The following EXOC6B variants were observed in gnomAD, a reference collection of about 807,000 sequenced individuals.
The protein encoded by EXOC6B is exocyst complex component 6B.
In EXOC6B, 54 loss-of-function variants were observed where a neutral mutation model predicts 113.5. That is an observed-to-expected ratio of 0.48 (90% CI 0.38 to 0.60). The LOEUF (loss-of-function observed/expected upper bound fraction) is 0.60, where lower values mean the gene tolerates loss of function less well. Among genes scored for constraint, EXOC6B ranks in the 20% least tolerant of loss-of-function variants. The pLI is 0.00. For missense variants in EXOC6B, 797 were observed against 977.5 expected (o/e 0.82, Z 2.46); for synonymous variants, 357 against 339.0 (o/e 1.05, Z -0.58).
chr2:72,466,054 G>C (rs1467942363), intron 17 of EXOC6B, among the ~76,000 whole-genome samples: 1 of 152,048 alleles, frequency 6.6e-6, no homozygotes, highest in African/African-American at 2.4e-5. Context: ...GACAAACTTT[G>C]AAATAAGTGC....
At chr2:72,794,105 T>A (rs1404419165) in intron 1 of EXOC6B, among the ~76,000 whole-genome samples, 6 of 152,232 alleles carry the variant, frequency 3.9e-5, no homozygotes, top group Non-Finnish European at 8.8e-5. Context: ...ACACTCACAT[T>A]AATCGTCATA....
At chr2:72,237,614 G>A (rs1682046365) in intron 20 of EXOC6B, among the ~76,000 whole-genome samples, 1 of 152,162 alleles carries the variant, frequency 6.6e-6, no homozygotes. Context: ...GTGTTACAGA[G>A]TCAACCCTAT....
At chr2:72,231,268 G>A (rs1681604466) in intron 20 of EXOC6B, among the ~76,000 whole-genome samples, 2 of 152,144 alleles carry the variant, frequency 1.3e-5, no homozygotes, top group Admixed American at 6.5e-5. Flanking sequence ...CAACAAGAGT[G>A]CTGGGAAAAC....
At chr2:72,692,447 G>A (rs1292089565) in intron 6 of EXOC6B, among the ~76,000 whole-genome samples, 1 of 151,500 alleles carries the variant, frequency 6.6e-6, no homozygotes, top group African/African-American at 2.4e-5. Flanking sequence ...TGCCTCCCGG[G>A]TTCATGCCAT....
chr2:72,262,669 A>G (rs2104588588), intron 20 of EXOC6B, among the ~76,000 whole-genome samples: 1 of 152,340 alleles, frequency 6.6e-6, no homozygotes, highest in Middle Eastern at 3.4e-3. Context: ...GGGCAATAGA[A>G]GTTCAAGAGC....
At chr2:72,739,091 A>G (rs1014545283) in intron 2 of EXOC6B, among the ~76,000 whole-genome samples, 45 of 152,352 alleles carry the variant, frequency 3.0e-4, no homozygotes, top group African/African-American at 1.0e-3. Context: ...CATGTCAAAT[A>G]TCCTCTGTAC....
At chr2:72,705,903 T>C (rs1014099738) in intron 6 of EXOC6B, among the ~76,000 whole-genome samples, 1 of 152,198 alleles carries the variant, frequency 6.6e-6, no homozygotes. Flanking sequence ...AGCCTAACAA[T>C]AATTAATTAA....
intron 5 of EXOC6B, among the ~76,000 whole-genome samples, chr2:72,722,327 A>T (rs1452838023): frequency 6.6e-6 from 1 of 152,134 alleles, no homozygotes; most frequent in African/African-American, 2.4e-5. Context: ...TCCATCCTTA[A>T]AAAGAAAAAA....
chr2:72,537,989 T>C (rs1470486067), intron 8 of EXOC6B, among the ~76,000 whole-genome samples: 3 of 146,188 alleles, frequency 2.1e-5, no homozygotes, highest in African/African-American at 8.0e-5. Context: ...TTTTTTTTTT[T>C]GAGACAGGAG....
intron 20 of EXOC6B, among the ~76,000 whole-genome samples, chr2:72,274,180 A>T (rs972817868): frequency 1.3e-5 from 2 of 152,194 alleles, no homozygotes; most frequent in African/African-American, 2.4e-5. Context: ...CATTGAAATC[A>T]GAGAAATAAA....
intron 1 of EXOC6B, among the ~76,000 whole-genome samples, chr2:72,761,394 A>C (rs531699617): frequency 8.5e-5 from 13 of 152,292 alleles, no homozygotes; most frequent in African/African-American, 3.1e-4. Flanking sequence ...CTTGCCAATA[A>C]ATTACTTCTC....
intron 6 of EXOC6B, among the ~76,000 whole-genome samples, chr2:72,689,213 A>T (rs1027381650): frequency 3.3e-5 from 5 of 152,200 alleles, no homozygotes; most frequent in African/African-American, 1.2e-4. Context: ...CCTGGCTGTA[A>T]TATGAAATTT....
rs757591243 is a variant in EXOC6B at position 72,224,994 on chromosome 2, G to A, written c.2197-40807C>T. On this transcript the variant is annotated intron_variant, in intron 20 of 21. Coordinates refer to ENST00000272427, the MANE Select transcript of EXOC6B (RefSeq NM_015189.3). ...CATCTCTCTCTGTATGTGTGTGTGTGTATATATATATAAATACACATACTT... is the reference window on the plus strand; with the variant it reads ...CATCTCTCTCTGTATGTGTGTGTGTATATATATATATAAATACACATACTT... Among the ~76,000 whole-genome samples the A allele has an allele frequency of 3.3e-3, 451 of 137,198 alleles. 5 individuals are homozygous for A. Among genetic ancestry groups the A allele is most frequent in the African/African-American group, 0.011 (402 of 37,966 alleles). The allele number at this position is 137,198 out of a possible 152,430, so 90.0% of individuals were successfully genotyped here. A position where few individuals can be genotyped will look rare whatever the true frequency, so the allele number is the denominator to read the frequency against.
At chr2:72,629,210 T>C (rs1672241623) in intron 6 of EXOC6B, among the ~76,000 whole-genome samples, 1 of 152,190 alleles carries the variant, frequency 6.6e-6, no homozygotes, top group Non-Finnish European at 1.5e-5. Context: ...AAATATAACA[T>C]TCCAGATGTA....
At chr2:72,269,165 C>T (rs1214434573) in intron 20 of EXOC6B, among the ~76,000 whole-genome samples, 1 of 151,918 alleles carries the variant, frequency 6.6e-6, no homozygotes, top group East Asian at 1.9e-4. Flanking sequence ...TTCTTACTAA[C>T]TCTACAGATT....
chr2:72,213,800 C>T (rs371694861), intron 20 of EXOC6B, among the ~76,000 whole-genome samples: 6 of 152,106 alleles, frequency 3.9e-5, no homozygotes, highest in African/African-American at 1.2e-4. Flanking sequence ...TTCCATCATG[C>T]GAGGACACAG....
intron 3 of EXOC6B, 78 bp downstream of exon 3, chr2:72,732,993 A>G: frequency 1.0e-6 from 1 of 987,812 alleles, no homozygotes; most frequent in East Asian, 2.6e-5. Context: ...AGTCTTAACC[A>G]CTAAATGAAT....
chr2:72,548,029 C>A (rs1160125241), intron 8 of EXOC6B, among the ~76,000 whole-genome samples: 3 of 152,102 alleles, frequency 2.0e-5, no homozygotes, highest in African/African-American at 4.8e-5. Context: ...AATACTTCTA[C>A]CTTTGCCCTG....
At chr2:72,663,402 T>A (rs1420798808) in intron 6 of EXOC6B, among the ~76,000 whole-genome samples, 4 of 151,912 alleles carry the variant, frequency 2.6e-5, no homozygotes, top group Non-Finnish European at 5.9e-5. Context: ...GCACAGGGAG[T>A]TTTAGAAATC....
Sources: gnomAD v4.1 joint callset for allele counts (sites outside exome capture counted in the v4.1 genomes callset) on GRCh38, gnomAD v4.1.1 for gene constraint, MANE v1.5 for transcripts, NCBI Gene and HGNC (gene_info 2026-07-23, HGNC 2026-07-21) for gene names.